RNF220: variants seen among roughly 807,000 people sequenced by gnomAD.
The protein encoded by RNF220 is ring finger protein 220, also known as E3 ubiquitin-protein ligase RNF220.
A neutral mutation model predicts 67.1 loss-of-function variants in RNF220; 7 were observed. The ratio of observed to expected loss-of-function variants is 0.10; its 90% CI spans 0.06 to 0.20. The LOEUF is 0.20. Among genes scored for constraint, RNF220 ranks in the 10% least tolerant of loss-of-function variants. The probability of loss-of-function intolerance (pLI) is 1.00; values close to 1 mark genes in which losing one functional copy is unlikely to be tolerated. For missense variants in RNF220, 565 were observed against 740.3 expected (o/e 0.76, Z 2.75); for synonymous variants, 270 against 283.2 (o/e 0.95, Z 0.47).
chr1:44,523,904 T>C (rs911843895), intron 2 of RNF220, among the ~76,000 whole-genome samples: 13 of 152,148 alleles, frequency 8.5e-5, no homozygotes, highest in Admixed American at 5.2e-4. Context: ...CATGGGGTAT[T>C]TTAATGGCAT....
chr1:44,633,143 T>C (rs1644219170), intron 6 of RNF220, among the ~76,000 whole-genome samples: 1 of 152,204 alleles, frequency 6.6e-6, no homozygotes, highest in African/African-American at 2.4e-5. Flanking sequence ...CCAGCTCTTA[T>C]CACTTGGTTT....
At chr1:44,520,984 C>T (rs1163015442) in intron 2 of RNF220, among the ~76,000 whole-genome samples, 1 of 152,248 alleles carries the variant, frequency 6.6e-6, no homozygotes, top group African/African-American at 2.4e-5. Context: ...TAACCTCAAA[C>T]TCCTGGGCTC....
chr1:44,627,037 A>G (rs1327607396), intron 5 of RNF220: 1 of 59,596 alleles, frequency 1.7e-5, no homozygotes, highest in African/African-American at 5.0e-5. Flanking sequence ...CTCCATCTCA[A>G]AAAAAAAAAA....
intron 2 of RNF220, among the ~76,000 whole-genome samples, chr1:44,474,323 C>G (rs1287944409): frequency 6.6e-6 from 1 of 150,688 alleles, no homozygotes; most frequent in African/African-American, 2.4e-5. Context: ...TGCAGTAAGC[C>G]GAGATCACGC....
chr1:44,451,105 C>T (rs1052142682), intron 2 of RNF220, among the ~76,000 whole-genome samples: 4 of 151,830 alleles, frequency 2.6e-5, no homozygotes, highest in African/African-American at 9.7e-5. Flanking sequence ...ATGGCGTGAA[C>T]CTGGGAGGTG....
intron 2 of RNF220, among the ~76,000 whole-genome samples, chr1:44,580,680 G>A (rs77905395): frequency 0.025 from 3,768 of 152,316 alleles, 161 homozygotes; most frequent in African/African-American, 0.086. Context: ...GTGAAGACAG[G>A]CTAGACCATA....
chr1:44,497,137 T>A (rs754048012), intron 2 of RNF220, among the ~76,000 whole-genome samples: 67 of 152,232 alleles, frequency 4.4e-4, no homozygotes, highest in Admixed American at 9.8e-4. Flanking sequence ...GTGTCCCCTT[T>A]CCAATAAATT....
chr1:44,436,452 A>G (rs537958999), intron 2 of RNF220, among the ~76,000 whole-genome samples: 1 of 152,248 alleles, frequency 6.6e-6, no homozygotes, highest in South Asian at 2.1e-4. Flanking sequence ...AAAGAGGAAA[A>G]GGCCCAACAG....
At chr1:44,438,458 A>AAG (rs1651207788) in intron 2 of RNF220, among the ~76,000 whole-genome samples, 1 of 152,170 alleles carries the variant, frequency 6.6e-6, no homozygotes, top group Admixed American at 6.5e-5. Context: ...ATAATGTTTT[A>AAG]ATATGCCTAT....
At chr1:44,586,095 G>A (rs1665674439) in intron 2 of RNF220, among the ~76,000 whole-genome samples, 1 of 152,170 alleles carries the variant, frequency 6.6e-6, no homozygotes, top group Admixed American at 6.5e-5. Context: ...AATTTAATCA[G>A]TAGTTCTGTG....
intron 2 of RNF220, among the ~76,000 whole-genome samples, chr1:44,553,649 C>A (rs1266084611): frequency 2.0e-5 from 3 of 152,146 alleles, no homozygotes; most frequent in Non-Finnish European, 4.4e-5. Context: ...TCATGGTAGA[C>A]AAAGTAGGAT....
rs181567870 is a variant in RNF220 at position 44,576,594 on chromosome 1, G to A, written c.626-37571G>A. Among the ~76,000 whole-genome samples the A allele has an allele frequency of 1.5e-4, 23 of 152,290 alleles. No individual in the cohort carries two copies. In the East Asian group the frequency reaches 2.1e-3, roughly 14 times the overall value. Reference sequence around the variant, plus strand: ...AAGCTCCCCAGCCCAGCCAGGACAGGATGGGCCCCAGTGTAAACCGGATTT... The same window carrying A: ...AAGCTCCCCAGCCCAGCCAGGACAGAATGGGCCCCAGTGTAAACCGGATTT... On this transcript the variant is annotated intron_variant, in intron 2 of 14. Transcript: ENST00000361799.
chr1:44,407,062 C>A (rs2147788858), intron 1 of RNF220, among the ~76,000 whole-genome samples: 1 of 152,310 alleles, frequency 6.6e-6, no homozygotes, highest in South Asian at 2.1e-4. Context: ...CGGCCCTGAG[C>A]CAGGCGCGCG....
intron 1 of RNF220, chr1:44,410,614 G>C (rs1647864930): frequency 6.6e-6 from 1 of 152,166 alleles, no homozygotes; most frequent in Non-Finnish European, 1.5e-5. Context: ...TCTTTGCACT[G>C]CATTAAGCCA....
intron 3 of RNF220, 47 bp downstream of exon 3, chr1:44,614,344 G>T: frequency 6.3e-7 from 1 of 1,596,804 alleles, no homozygotes; most frequent in South Asian, 1.1e-5. Context: ...GTCCACTCAG[G>T]GTTCTGGCCA....
intron 2 of RNF220, among the ~76,000 whole-genome samples, chr1:44,444,318 T>G (rs2147908022): frequency 6.6e-6 from 1 of 152,340 alleles, no homozygotes; most frequent in East Asian, 1.9e-4. Flanking sequence ...ATGTTTTTTT[T>G]TGTACTGTTT....
At position 44,563,505 on chromosome 1, in the gene RNF220, G is replaced by A. The variant is rs12040525; in HGVS notation, c.626-50660G>A. Among the ~76,000 whole-genome samples, 1,437 of 152,282 alleles carry A rather than the reference G, an allele frequency of 9.4e-3. 53 individuals are homozygous for A. The highest frequency in any genetic ancestry group is 0.077 in the East Asian group (399 of 5,192). On this transcript the variant is annotated intron_variant, in intron 2 of 14. Transcript: ENST00000361799. ...AAGAGGGAGAGCTGCTGCATTTGCC[G>A]CCGTGGACTCCTCCCTCGTTCTTGA...
At chr1:44,636,246 G>C in intron 8 of RNF220, 84 bp downstream of exon 8, 1 of 1,540,478 alleles carries the variant, frequency 6.5e-7, no homozygotes, top group Non-Finnish European at 8.9e-7. Flanking sequence ...AAGAGGCCGA[G>C]GCTGGTGGCT....
chr1:44,405,965 G>C (rs957306104), intron 1 of RNF220, among the ~76,000 whole-genome samples: 1 of 152,172 alleles, frequency 6.6e-6, no homozygotes, highest in Non-Finnish European at 1.5e-5. Flanking sequence ...TTCTCGCCGG[G>C]CTCTCTGGTG....
Sources: gnomAD v4.1 joint callset for allele counts (sites outside exome capture counted in the v4.1 genomes callset) on GRCh38, gnomAD v4.1.1 for gene constraint, MANE v1.5 for transcripts, NCBI Gene and HGNC (gene_info 2026-07-23, HGNC 2026-07-21) for gene names.